Variants in PWWP2B observed in about 807,000 individuals in gnomAD.
PWWP2B encodes PWWP domain-containing protein 2B.
A neutral mutation model predicts 15.5 loss-of-function variants in PWWP2B; 9 were observed. That is an observed-to-expected ratio of 0.58 (90% CI 0.35 to 1.02). The LOEUF is 1.02. Ranked by LOEUF, PWWP2B falls within the 50% of genes least tolerant of loss-of-function variation. The probability of loss-of-function intolerance (pLI) is 0.02; values close to 1 mark genes in which losing one functional copy is unlikely to be tolerated. For missense variants in PWWP2B, 864 were observed against 865.3 expected, an observed-to-expected ratio of 1.00 and a Z score of 0.02; for synonymous variants, 474 against 403.6, an observed-to-expected ratio of 1.17 and a Z score of -2.09.
Position 132,405,465 on chromosome 10 carries a change from T to TGCCG in PWWP2B, c.972_975dup (p.Ala326ArgfsTer8). 6.2e-7 allele frequency: 1 copy of TGCCG among 1,606,836 alleles called. No homozygotes were observed. Among genetic ancestry groups the TGCCG allele is most frequent in the Non-Finnish European group, 8.5e-7 (1 of 1,179,412 alleles). On this transcript the variant is annotated frameshift_variant, in exon 2 of 3. Transcript: ENST00000305233. LOFTEE classifies it low-confidence loss of function (END_TRUNC). Reference sequence around the variant, plus strand: ...CCCAAGTTGAAACTGACACGGCCTGTGCCGGCCGGCGCGGACCTGCCGCCC... The same window carrying TGCCG: ...CCCAAGTTGAAACTGACACGGCCTGTGCCGGCCGGCCGGCGCGGACCTGCCGCCC...
At chr10:132,397,435 C>T (rs2069552130) in intron 1 of PWWP2B, 84 bp downstream of exon 1, 7 of 1,021,894 alleles carry the variant, frequency 6.9e-6, no homozygotes, top group Admixed American at 5.9e-5. Context: ...GACCCGCCTC[C>T]GGGTTGGGGG....
intron 2 of PWWP2B, among the ~76,000 whole-genome samples, chr10:132,415,214 A>T (rs562301300): frequency 2.8e-4 from 43 of 151,536 alleles, no homozygotes; most frequent in East Asian, 2.3e-3. Context: ...ATCCACTCTC[A>T]CACACACACC....
At chr10:132,407,070 G>T (rs2069711027) in intron 2 of PWWP2B, among the ~76,000 whole-genome samples, 1 of 152,152 alleles carries the variant, frequency 6.6e-6, no homozygotes, top group South Asian at 2.1e-4. Flanking sequence ...AGGTGTGGGG[G>T]TGTCACCTTG....
At chr10:132,407,363 G>A (rs1251669027) in intron 2 of PWWP2B, among the ~76,000 whole-genome samples, 4 of 152,214 alleles carry the variant, frequency 2.6e-5, no homozygotes, top group South Asian at 2.1e-4. Flanking sequence ...GGGGCTGTAC[G>A]CAGAGGGCAG....
chr10:132,417,267 A>C lies in PWWP2B; in HGVS notation c.*223A>C, dbSNP rs2069872315. 3.1e-6 allele frequency: 2 copies of C among 641,124 alleles called. No homozygotes were observed. The highest frequency in any genetic ancestry group is 1.8e-5 in the South Asian group (1 of 54,184). 39.7% of individuals were successfully genotyped at this position (641,124 alleles called of 1,614,324 possible). On this transcript the variant is annotated 3_prime_UTR_variant, in exon 3 of 3. Transcript: ENST00000305233. ...CCCGCTGAGTGTATTTCTTCCCACCACTCAGCGCATGGCTGCCCTGGCTCA... is the reference window on the plus strand; with the variant it reads ...CCCGCTGAGTGTATTTCTTCCCACCCCTCAGCGCATGGCTGCCCTGGCTCA...
intron 1 of PWWP2B, among the ~76,000 whole-genome samples, chr10:132,398,636 C>T (rs958171513): frequency 6.6e-6 from 1 of 152,248 alleles, no homozygotes; most frequent in South Asian, 2.1e-4. Context: ...CTGCAGTGGC[C>T]TCGGGCTCTC....
chr10:132,397,269 C>T lies in PWWP2B; in HGVS notation c.43C>T (p.Gln15Ter). The change falls in exon 1 of 3, where the codon CAG becomes TAG. Residue 15 changes from glutamine to a stop codon, truncating the protein, a stop_gained. Transcript: ENST00000305233. LOFTEE classifies it high-confidence loss of function. ...CTGCCGGCTGCCGGTGCGGGTGGAG[C>T]AGGTCGTCAACGGCGCGCTGGTGGT... The part of the protein sequence containing the change: ...AGCRLPVRVE[Q>*]VVNGALVVTV... 3 of 1,386,912 alleles carry T rather than the reference C, an allele frequency of 2.2e-6. No individual in the cohort carries two copies. Among genetic ancestry groups the T allele is most frequent in the Non-Finnish European group, 9.4e-7 (1 of 1,059,512 alleles). The allele number at this position is 1,386,912 out of a possible 1,614,324, so 85.9% of individuals were successfully genotyped here.
chr10:132,403,873 G>A (rs1358654665), intron 1 of PWWP2B, among the ~76,000 whole-genome samples: 1 of 102,624 alleles, frequency 9.7e-6, no homozygotes, highest in Non-Finnish European at 2.1e-5. Flanking sequence ...GTGGGCAGAT[G>A]GGGATGAGGG....
chr10:132,401,598 A>T (rs1009488517), intron 1 of PWWP2B, among the ~76,000 whole-genome samples: 1 of 152,124 alleles, frequency 6.6e-6, no homozygotes, highest in Non-Finnish European at 1.5e-5. Flanking sequence ...TGTGTGGGGA[A>T]CTACACTGCA....
Position 132,405,135 on chromosome 10 carries a change from T to C in PWWP2B, c.635T>C (p.Leu212Pro), listed in dbSNP as rs2133154142. The change falls in exon 2 of 3, where the codon CTC becomes CCC. Residue 212 changes from leucine to proline, a missense_variant. Transcript: ENST00000305233. Reference sequence around the variant, plus strand: ...CTGGGCAGCGGCCCGGACAGGGAGCTCCGCAAGCCGGAGGAGCCGGAGAAC... The same window carrying C: ...CTGGGCAGCGGCCCGGACAGGGAGCCCCGCAAGCCGGAGGAGCCGGAGAAC... The part of the protein sequence containing the change: ...RRLGSGPDRE[L>P]RKPEEPENGE... The C allele has an allele frequency of 6.5e-7, 1 of 1,543,154 alleles. No homozygotes were observed. The highest frequency in any genetic ancestry group is 8.7e-7 in the Non-Finnish European group (1 of 1,144,006).
At chr10:132,398,728 C>T (rs1011854975) in intron 1 of PWWP2B, among the ~76,000 whole-genome samples, 1 of 152,230 alleles carries the variant, frequency 6.6e-6, no homozygotes, top group African/African-American at 2.4e-5. Context: ...CCCGATGGGA[C>T]CCCCGGCGTG....
At chr10:132,414,060 C>T (rs1014024169) in intron 2 of PWWP2B, among the ~76,000 whole-genome samples, 16 of 152,228 alleles carry the variant, frequency 1.1e-4, no homozygotes, top group Admixed American at 2.6e-4. Flanking sequence ...GAGCTCAGCT[C>T]CATGAGCGAG....
intron 2 of PWWP2B, among the ~76,000 whole-genome samples, chr10:132,407,653 G>A (rs983442026): frequency 1.3e-5 from 2 of 152,204 alleles, no homozygotes; most frequent in African/African-American, 2.4e-5. Context: ...CCAGCCACCC[G>A]GCTGCATCTG....
intron 1 of PWWP2B, among the ~76,000 whole-genome samples, chr10:132,404,135 C>T (rs61192738): frequency 2.7e-5 from 4 of 150,816 alleles, no homozygotes; most frequent in Non-Finnish European, 3.0e-5. Flanking sequence ...GGGGTTGAAG[C>T]GTTGCCTGGC....
In PWWP2B at chr10:132,397,290, G is replaced by T; in HGVS notation, c.64G>T (p.Val22Leu). ...RVEQVVNGALVVTVSCGERSF... is the reference protein window; with the variant it reads ...RVEQVVNGALLVTVSCGERSF... ...GGAGCAGGTCGTCAACGGCGCGCTG[G>T]TGGTCACGGTGAGCTGCGGCGAGCG... The change falls in exon 1 of 3, where the codon GTG becomes TTG. Residue 22 changes from valine (V) to leucine (L), a missense_variant. Physicochemically the swap from Val to Leu is conservative, Grantham distance 32 (BLOSUM62 1). Around this residue, in one of 2 missense-constraint regions of PWWP2B, gnomAD observed 736 missense variants for 687.7 expected, o/e 1.07. Coordinates refer to ENST00000305233, the MANE Select transcript of PWWP2B (RefSeq NM_138499.4). 1 of 1,424,752 alleles carries T rather than the reference G, an allele frequency of 7.0e-7. No homozygotes were observed. Among genetic ancestry groups the T allele is most frequent in the Non-Finnish European group, 9.3e-7 (1 of 1,079,182 alleles). 88.3% of individuals were successfully genotyped at this position (1,424,752 alleles called of 1,614,324 possible).
In PWWP2B at chr10:132,405,572, A is replaced by G. The variant is rs1177888354; in HGVS notation, c.1072A>G (p.Asn358Asp). The G allele has an allele frequency of 1.9e-6, 3 of 1,607,972 alleles. No homozygotes were observed. Among genetic ancestry groups the G allele is most frequent in the Non-Finnish European group, 2.5e-6 (3 of 1,179,300 alleles). Residue 358 changes from asparagine (N) to aspartate (D), a missense_variant, in exon 2 of 3, where the codon AAC becomes GAC. Physicochemically the swap from Asn to Asp is conservative, Grantham distance 23. Around this residue, in one of 2 missense-constraint regions of PWWP2B, gnomAD observed 736 missense variants for 687.7 expected, o/e 1.07. Transcript: ENST00000305233. ...VYRAELVGEL[N>D]GYLRDSSPAP... ...CCGGGCCGAGCTGGTGGGGGAGCTG[A>G]ACGGGTACCTGCGGGACAGCTCGCC...
In PWWP2B at chr10:132,405,143, C is replaced by A. The variant is rs904700521; in HGVS notation, c.643C>A (p.Pro215Thr). 17 of 1,545,164 alleles carry A rather than the reference C, an allele frequency of 1.1e-5. No homozygotes were observed. In the East Asian group the frequency reaches 4.2e-4, roughly 38 times the overall value. The change falls in exon 2 of 3, where the codon CCG becomes ACG. Residue 215 changes from proline to threonine, a missense_variant. Pro to Thr is a conservative substitution (Grantham distance 38, BLOSUM62 -1). Transcript: ENST00000305233. ...GSGPDRELRK[P>T]EEPENGEPTA... Reference sequence around the variant, plus strand: ...CGGCCCGGACAGGGAGCTCCGCAAGCCGGAGGAGCCGGAGAACGGCGAGCC... The same window carrying A: ...CGGCCCGGACAGGGAGCTCCGCAAGACGGAGGAGCCGGAGAACGGCGAGCC...
intron 2 of PWWP2B, among the ~76,000 whole-genome samples, chr10:132,411,206 G>T (rs2069775392): frequency 6.6e-6 from 1 of 152,210 alleles, no homozygotes. Flanking sequence ...AGACCTGGGG[G>T]TCCAGGCTTC....
rs547659902 is a variant in PWWP2B at position 132,405,184 on chromosome 10, C to A, written c.684C>A (p.Thr228=). 65 of 1,563,624 alleles carry A rather than the reference C, an allele frequency of 4.2e-5. No individual in the cohort carries two copies. In the Middle Eastern group the frequency reaches 6.2e-4, roughly 15 times the overall value. ...PENGEPTAAA[T]ARRSKRERRE... ...ACGGCGAGCCCACGGCTGCGGCCAC[C>A]GCCAGGAGGAGCAAGAGGGAGAGGC... Residue 228 remains threonine, a synonymous_variant, in exon 2 of 3, where the codon ACC becomes ACA. Coordinates refer to ENST00000305233, the MANE Select transcript of PWWP2B (RefSeq NM_138499.4).
Sources: gnomAD v4.1 joint callset for allele counts (sites outside exome capture counted in the v4.1 genomes callset) on GRCh38, gnomAD v4.1.1 for gene constraint, gnomAD v4.1.1 regional missense constraint, MANE v1.5 for transcripts, NCBI Gene and HGNC (gene_info 2026-07-23, HGNC 2026-07-21) for gene names.